CLSTN2: variants seen among roughly 807,000 people sequenced by gnomAD.
CLSTN2 encodes the protein calsyntenin 2.
A neutral mutation model predicts 101.2 loss-of-function variants in CLSTN2; 48 were observed. The observed-to-expected ratio is 0.47, with a 90% confidence interval of 0.38 to 0.60. CLSTN2 has a LOEUF of 0.60. CLSTN2 is among the 20% of genes least tolerant of loss of function. CLSTN2 has a pLI of 0.00. For synonymous variants in CLSTN2, 481 were observed against 463.6 expected, an observed-to-expected ratio of 1.04 and a Z score of -0.48; for missense variants, 1,160 against 1,238.2, an observed-to-expected ratio of 0.94 and a Z score of 0.95.
intron 8 of CLSTN2, among the ~76,000 whole-genome samples, chr3:140,514,628 C>G (rs924523268): frequency 6.6e-6 from 1 of 152,158 alleles, no homozygotes; most frequent in Non-Finnish European, 1.5e-5. Flanking sequence ...GACTTCTTTT[C>G]CTCTGGGTAG....
chr3:140,012,877 A>G (rs2107751992), intron 1 of CLSTN2, among the ~76,000 whole-genome samples: 1 of 152,368 alleles, frequency 6.6e-6, no homozygotes, highest in Non-Finnish European at 1.5e-5. Flanking sequence ...TTCAAGGTGT[A>G]TCTGAATAGA....
At chr3:140,300,769 G>A (rs1263062023) in intron 2 of CLSTN2, among the ~76,000 whole-genome samples, 1 of 152,030 alleles carries the variant, frequency 6.6e-6, no homozygotes, top group Non-Finnish European at 1.5e-5. Context: ...ATCTGGATTA[G>A]TCAGGGTTCT....
At chr3:140,388,169 G>A (rs762303116) in intron 2 of CLSTN2, among the ~76,000 whole-genome samples, 3 of 152,268 alleles carry the variant, frequency 2.0e-5, no homozygotes, top group Non-Finnish European at 4.4e-5. Flanking sequence ...CTGTAATGCT[G>A]TGAAAGTGCG....
At chr3:140,468,926 G>C (rs1428578426) in intron 8 of CLSTN2, among the ~76,000 whole-genome samples, 1 of 152,184 alleles carries the variant, frequency 6.6e-6, no homozygotes, top group Admixed American at 6.5e-5. Context: ...CAGGCTGAGT[G>C]GCTTAAATAA....
intron 4 of CLSTN2, among the ~76,000 whole-genome samples, chr3:140,407,192 G>A (rs2088313313): frequency 6.6e-6 from 1 of 152,140 alleles, no homozygotes; most frequent in Non-Finnish European, 1.5e-5. Flanking sequence ...CAGTTTCTCT[G>A]AGCGACCTTT....
intron 1 of CLSTN2, among the ~76,000 whole-genome samples, chr3:140,154,641 CTTTTT>C (rs35699283): frequency 3.2e-5 from 3 of 92,870 alleles, no homozygotes; most frequent in African/African-American, 4.1e-5. Flanking sequence ...AAGTATCACC[CTTTTT>C]TTTTTTTTTT....
chr3:140,382,058 C>T (rs894101914), intron 2 of CLSTN2, among the ~76,000 whole-genome samples: 1 of 152,136 alleles, frequency 6.6e-6, no homozygotes, highest in African/African-American at 2.4e-5. Context: ...TGTTTTTCTA[C>T]CCAAAATGCA....
intron 6 of CLSTN2, among the ~76,000 whole-genome samples, chr3:140,456,718 C>T (rs1374772390): frequency 1.3e-5 from 2 of 152,048 alleles, no homozygotes; most frequent in African/African-American, 4.8e-5. Flanking sequence ...ACCCGGGAAG[C>T]AGAGGTTGCA....
intron 1 of CLSTN2, among the ~76,000 whole-genome samples, chr3:140,109,335 G>A (rs999495590): frequency 1.3e-5 from 2 of 152,130 alleles, no homozygotes; most frequent in Non-Finnish European, 2.9e-5. Flanking sequence ...CTCAGCACAG[G>A]CTGCTCACAG....
At chr3:140,561,836 G>A (rs1291169982) in intron 12 of CLSTN2, among the ~76,000 whole-genome samples, 1 of 152,172 alleles carries the variant, frequency 6.6e-6, no homozygotes, top group East Asian at 1.9e-4. Flanking sequence ...AGGAAACTGA[G>A]TGGTAGGTAG....
chr3:140,392,672 G>A (rs964167743), intron 2 of CLSTN2, among the ~76,000 whole-genome samples: 5 of 151,954 alleles, frequency 3.3e-5, no homozygotes, highest in Non-Finnish European at 5.9e-5. Flanking sequence ...GTCATTTTTC[G>A]AGGAGGAGTT....
chr3:140,369,587 T>A (rs1282359320), intron 2 of CLSTN2, among the ~76,000 whole-genome samples: 1 of 145,550 alleles, frequency 6.9e-6, no homozygotes, highest in Non-Finnish European at 1.5e-5. Flanking sequence ...TAAAAAAAAA[T>A]GAAGATATGC....
intron 1 of CLSTN2, among the ~76,000 whole-genome samples, chr3:140,109,856 C>T (rs905188146): frequency 5.9e-5 from 9 of 152,102 alleles, no homozygotes; most frequent in Non-Finnish European, 1.3e-4. Context: ...CAATTAACAT[C>T]CAAGTGACTT....
At chr3:140,405,446 C>T (rs1174996600) in intron 4 of CLSTN2, among the ~76,000 whole-genome samples, 1 of 152,126 alleles carries the variant, frequency 6.6e-6, no homozygotes, top group Non-Finnish European at 1.5e-5. Context: ...AGGCCAGTCT[C>T]GAACTCCTGA....
rs187818613 is a variant in CLSTN2 at position 140,047,678 on chromosome 3, C to T, written c.109+112195C>T. Reference sequence around the variant, plus strand: ...CACTGGTGGGGACTCTCTGTGGAGTCCGCAGGTAGTGCAGGGCATCCCGTG... The same window carrying T: ...CACTGGTGGGGACTCTCTGTGGAGTTCGCAGGTAGTGCAGGGCATCCCGTG... On this transcript the variant is annotated intron_variant, in intron 1 of 16. Transcript: ENST00000458420. Among the ~76,000 whole-genome samples the T allele has an allele frequency of 3.7e-3, 569 of 152,294 alleles. 3 individuals carry two copies. Among genetic ancestry groups the T allele is most frequent in the Middle Eastern group, 6.8e-3 (2 of 294 alleles).
chr3:140,448,688 C>T lies in CLSTN2; in HGVS notation c.957C>T (p.Ser319=), dbSNP rs898231885. 1.9e-5 allele frequency: 30 copies of T among 1,610,136 alleles called. No homozygotes were observed. The highest frequency in any genetic ancestry group is 1.8e-4 in the Admixed American group (11 of 59,824). Residue 319 remains serine (S), a synonymous_variant, in exon 6 of 17, where the codon TCC becomes TCT. Transcript: ENST00000458420. The part of the protein sequence containing the change: ...GCDRETYSEK[S]LQKLCGASSG... ...ACCGGGAGACCTACTCTGAGAAATCCCTTCAAAAGTTATGTGGTAGGTTTT... is the reference window on the plus strand; with the variant it reads ...ACCGGGAGACCTACTCTGAGAAATCTCTTCAAAAGTTATGTGGTAGGTTTT...
At chr3:140,498,431 C>G (rs546399344) in intron 8 of CLSTN2, among the ~76,000 whole-genome samples, 2 of 152,306 alleles carry the variant, frequency 1.3e-5, no homozygotes, top group African/African-American at 4.8e-5. Context: ...AGAGTATTTG[C>G]CATGAAGGCA....
At chr3:140,174,545 T>G (rs78077804) in intron 1 of CLSTN2, among the ~76,000 whole-genome samples, 2,465 of 152,302 alleles carry the variant, frequency 0.016, 62 homozygotes, top group African/African-American at 0.052. Context: ...TTAGTATGTT[T>G]TCATGCTGCT....
Position 140,560,361 on chromosome 3 carries a change from G to A in CLSTN2, c.2041+1504G>A, listed in dbSNP as rs1243977876. On this transcript the variant is annotated intron_variant, in intron 12 of 16. Coordinates refer to ENST00000458420, the MANE Select transcript of CLSTN2 (RefSeq NM_022131.3). ...ATTCCCCCAACATGCACACACACAC[G>A]CCTCCCTCACACTCTGTTAGTTCAC... 3.3e-5 allele frequency among the ~76,000 whole-genome samples: 5 copies of A among 151,962 alleles called. No homozygotes were observed. The East Asian group carries it at 9.6e-4, about 29-fold the overall frequency.
Sources: gnomAD v4.1 joint callset for allele counts (sites outside exome capture counted in the v4.1 genomes callset) on GRCh38, gnomAD v4.1.1 for gene constraint, MANE v1.5 for transcripts, NCBI Gene and HGNC (gene_info 2026-07-23, HGNC 2026-07-21) for gene names.